REV1: variants seen among roughly 807,000 people sequenced by gnomAD.
REV1 encodes the protein REV1 DNA directed polymerase.
REV1 carries 42 observed loss-of-function variants against 137.4 expected under a neutral mutation model. The observed-to-expected ratio is 0.31, with a 90% CI of 0.24 to 0.40. The LOEUF (loss-of-function observed/expected upper bound fraction) is 0.40. REV1 is among the 10% of genes least tolerant of loss of function. The pLI, the probability that REV1 is intolerant of heterozygous loss-of-function variation, is 1.00. For synonymous variants in REV1, 524 were observed against 519.2 expected, an observed-to-expected ratio of 1.01 and a Z score of -0.12; for missense variants, 1,282 against 1,490.1, an observed-to-expected ratio of 0.86 and a Z score of 2.30.
chr2:99,489,125 A>G (rs1329219201), intron 1 of REV1, among the ~76,000 whole-genome samples: 1 of 152,196 alleles, frequency 6.6e-6, no homozygotes, highest in African/African-American at 2.4e-5. Context: ...GCGTCACTGT[A>G]ACAGTACAGA....
intron 4 of REV1, among the ~76,000 whole-genome samples, chr2:99,446,620 G>A (rs1295178210): frequency 2.0e-5 from 3 of 152,020 alleles, no homozygotes; most frequent in African/African-American, 7.2e-5. Flanking sequence ...TCAGCCTCCT[G>A]AGTAGCTGGG....
intron 2 of REV1, among the ~76,000 whole-genome samples, chr2:99,464,069 T>C (rs1411451852): frequency 2.6e-5 from 4 of 152,244 alleles, no homozygotes; most frequent in African/African-American, 7.2e-5. Flanking sequence ...CTCCAGTGGC[T>C]AAATTCTGGA....
At chr2:99,465,812 G>T (rs1274809880) in intron 1 of REV1, among the ~76,000 whole-genome samples, 71 of 152,124 alleles carry the variant, frequency 4.7e-4, no homozygotes, top group African/African-American at 1.5e-3. Flanking sequence ...GTTACCATAT[G>T]AAGCCTTATA....
chr2:99,421,836 C>T (rs1160874507), intron 10 of REV1, among the ~76,000 whole-genome samples, 183 bp from the exon 11 acceptor site: 1 of 152,148 alleles, frequency 6.6e-6, no homozygotes, highest in African/African-American at 2.4e-5. Flanking sequence ...AGTGTGTTCT[C>T]TTTCTCCTTA....
chr2:99,454,550 C>CAAAAAAAAAAAAAAAAAAACAAAAA (rs1683303910), intron 3 of REV1, among the ~76,000 whole-genome samples: 1 of 82,346 alleles, frequency 1.2e-5, no homozygotes, highest in Non-Finnish European at 2.3e-5. Context: ...AACTCCAGCT[C>CAAAAAAAAAAAAAAAAAAACAAAAA]AAAAAAAAAA....
At chr2:99,409,232 T>C (rs1397357468) in intron 14 of REV1, among the ~76,000 whole-genome samples, 2 of 152,278 alleles carry the variant, frequency 1.3e-5, no homozygotes, top group Non-Finnish European at 2.9e-5. Context: ...ATGTATTTTA[T>C]AAATTATGTT....
intron 9 of REV1, among the ~76,000 whole-genome samples, chr2:99,429,227 A>G (rs1207229851): frequency 6.6e-6 from 1 of 152,150 alleles, no homozygotes; most frequent in Non-Finnish European, 1.5e-5. Flanking sequence ...ATTATGAGGA[A>G]GATATATATA....
At chr2:99,431,855 A>T in intron 8 of REV1, 1 of 985,446 alleles carries the variant, frequency 1.0e-6, no homozygotes, top group Non-Finnish European at 1.2e-6. Flanking sequence ...CAAAGTAGAG[A>T]ACTGCTCATC....
chr2:99,419,227 T>G (rs9308820), intron 11 of REV1, among the ~76,000 whole-genome samples: 1,942 of 141,078 alleles, frequency 0.014, 34 homozygotes, highest in Non-Finnish European at 0.018. Context: ...TTTTTTTTTT[T>G]GGGGGATGGA....
At chr2:99,429,231 A>G (rs544741637) in intron 9 of REV1, among the ~76,000 whole-genome samples, 3 of 152,200 alleles carry the variant, frequency 2.0e-5, no homozygotes, top group Admixed American at 6.5e-5. Context: ...TGAGGAAGAT[A>G]TATATATATG....
intron 1 of REV1, among the ~76,000 whole-genome samples, chr2:99,477,537 C>T (rs1363723994): frequency 6.6e-6 from 1 of 152,198 alleles, no homozygotes; most frequent in Non-Finnish European, 1.5e-5. Context: ...GTCCCTGTTA[C>T]AGCAGCTTAG....
At chr2:99,412,657 G>T in intron 13 of REV1, 74 bp downstream of exon 13, 1 of 1,129,338 alleles carries the variant, frequency 8.9e-7, no homozygotes, top group Non-Finnish European at 1.3e-6. Context: ...GGGTCTAATG[G>T]TTTAGTTGTA....
intron 4 of REV1, among the ~76,000 whole-genome samples, 156 bp from the exon 5 acceptor site, chr2:99,442,625 T>TA (rs1360756561): frequency 3.3e-5 from 5 of 152,138 alleles, no homozygotes; most frequent in African/African-American, 1.2e-4. Flanking sequence ...GTGGTCCTAA[T>TA]ACAATATGAT....
At chr2:99,484,137 C>T (rs1339783663) in intron 1 of REV1, among the ~76,000 whole-genome samples, 1 of 152,148 alleles carries the variant, frequency 6.6e-6, no homozygotes, top group Non-Finnish European at 1.5e-5. Flanking sequence ...GAACACCAAA[C>T]ACCACATGTT....
chr2:99,445,220 C>T (rs1293858219), intron 4 of REV1, among the ~76,000 whole-genome samples: 1 of 151,716 alleles, frequency 6.6e-6, no homozygotes, highest in Non-Finnish European at 1.5e-5. Context: ...CATAAGCACT[C>T]TAATATTTAA....
intron 1 of REV1, among the ~76,000 whole-genome samples, chr2:99,466,186 C>T (rs1476231346): frequency 2.0e-5 from 3 of 152,138 alleles, no homozygotes; most frequent in Non-Finnish European, 4.4e-5. Context: ...CTCCTGACCT[C>T]GTGATCCGCC....
At chr2:99,481,817 T>C (rs1021959665) in intron 1 of REV1, among the ~76,000 whole-genome samples, 2 of 152,154 alleles carry the variant, frequency 1.3e-5, no homozygotes, top group Non-Finnish European at 2.9e-5. Flanking sequence ...TACAGTGAGC[T>C]ATGATAGCAC....
rs1575139725 is a variant in REV1 at position 99,449,620 on chromosome 2, G to A, written c.182-116C>T. On this transcript the variant is annotated intron_variant, in intron 3 of 22. Transcript: ENST00000258428. ...ATGTCATTGGTTCACCTTCTCCTTG[G>A]CTGTGTTGCCAGTAAACAAAGCTGG... The A allele has an allele frequency of 1.1e-4, 51 of 475,636 alleles. No homozygotes were observed. In the East Asian group the frequency reaches 1.8e-3, roughly 17 times the overall value. The allele number at this position is 475,636 out of a possible 1,614,324, so 29.5% of individuals were successfully genotyped here.
At chr2:99,429,052 T>C (rs895739159) in intron 9 of REV1, among the ~76,000 whole-genome samples, 14 of 151,920 alleles carry the variant, frequency 9.2e-5, no homozygotes, top group African/African-American at 3.4e-4. Flanking sequence ...TTTGAAATTA[T>C]TGAATACTTT....
Sources: allele counts gnomAD v4.1 joint callset (sites outside exome capture counted in the v4.1 genomes callset), GRCh38; gene constraint gnomAD v4.1.1; transcripts MANE v1.5; gene names NCBI Gene and HGNC (gene_info 2026-07-23, HGNC 2026-07-21).